Variants in NHSL1 observed in about 807,000 individuals in gnomAD.
The protein encoded by NHSL1 is NHS like 1.
A neutral mutation model predicts 95.0 loss-of-function variants in NHSL1; 48 were observed. That is an observed-to-expected ratio of 0.51 (90% CI 0.40 to 0.64). The LOEUF is 0.64. NHSL1 is among the 30% of genes least tolerant of loss of function. The pLI is 0.00. For synonymous variants in NHSL1, 783 were observed against 833.9 expected, an observed-to-expected ratio of 0.94 and a Z score of 1.05; for missense variants, 1,971 against 2,077.7, an observed-to-expected ratio of 0.95 and a Z score of 1.00.
At chr6:138,655,030 G>A (rs1430808250) in intron 1 of NHSL1, among the ~76,000 whole-genome samples, 2 of 152,078 alleles carry the variant, frequency 1.3e-5, no homozygotes, top group African/African-American at 4.8e-5. Flanking sequence ...TTTATTTGGG[G>A]AAACTAAAAT....
intron 1 of NHSL1, among the ~76,000 whole-genome samples, chr6:138,687,779 C>A (rs1785605051): frequency 6.6e-6 from 1 of 152,080 alleles, no homozygotes; most frequent in Non-Finnish European, 1.5e-5. Flanking sequence ...CCAGAAAAGT[C>A]AAATCTATAG....
At chr6:138,642,537 A>G (rs924479969) in intron 1 of NHSL1, among the ~76,000 whole-genome samples, 29 of 152,236 alleles carry the variant, frequency 1.9e-4, no homozygotes, top group African/African-American at 6.0e-4. Context: ...GAAATCATGG[A>G]AAGTCAAACT....
chr6:138,476,630 C>A (rs1779087060), intron 2 of NHSL1, among the ~76,000 whole-genome samples: 1 of 152,006 alleles, frequency 6.6e-6, no homozygotes, highest in African/African-American at 2.4e-5. Context: ...AGTTAGAGAC[C>A]AGCCTGGCCA....
At chr6:138,451,801 C>T (rs975031217) in intron 3 of NHSL1, among the ~76,000 whole-genome samples, 1 of 152,174 alleles carries the variant, frequency 6.6e-6, no homozygotes, top group Non-Finnish European at 1.5e-5. Flanking sequence ...GCAATATTTA[C>T]AATAAATTAC....
At chr6:138,559,593 TCCAACA>T (rs1783335827) in intron 1 of NHSL1, among the ~76,000 whole-genome samples, 1 of 152,156 alleles carries the variant, frequency 6.6e-6, no homozygotes, top group Non-Finnish European at 1.5e-5. Flanking sequence ...CAGGCCTTTC[TCCAACA>T]CCAAGACAAC....
At chr6:138,647,771 T>G (rs1337129499) in intron 1 of NHSL1, among the ~76,000 whole-genome samples, 1 of 152,030 alleles carries the variant, frequency 6.6e-6, no homozygotes, top group Non-Finnish European at 1.5e-5. Context: ...CTAATTTTAG[T>G]ATTTTCACTA....
chr6:138,425,024 G>A (rs1330973231), intron 7 of NHSL1, among the ~76,000 whole-genome samples: 1 of 151,894 alleles, frequency 6.6e-6, no homozygotes, highest in Non-Finnish European at 1.5e-5. Flanking sequence ...GAGCTTAGGA[G>A]TTCGAGACCA....
Position 138,469,586 on chromosome 6 carries a change from G to A in NHSL1, c.339+3720C>T, listed in dbSNP as rs964608954. On this transcript the variant is annotated intron_variant, in intron 3 of 7. Coordinates refer to ENST00000343505, the MANE Select transcript of NHSL1 (RefSeq NM_001144060.2). ...AAAAAAATACAAGAATCAGCTGGGCGTGGTGATGTGTACCTGTAATCTCAG... is the reference window on the plus strand; with the variant it reads ...AAAAAAATACAAGAATCAGCTGGGCATGGTGATGTGTACCTGTAATCTCAG... Among the ~76,000 whole-genome samples the A allele has an allele frequency of 3.3e-5, 5 of 152,076 alleles. No individual in the cohort carries two copies. The South Asian group carries it at 6.2e-4, about 19-fold the overall frequency.
chr6:138,479,162 A>G (rs1178212248), intron 2 of NHSL1, among the ~76,000 whole-genome samples: 2 of 152,282 alleles, frequency 1.3e-5, no homozygotes, highest in Middle Eastern at 6.8e-3. Context: ...TATACCTATG[A>G]TAATGTTTGA....
intron 2 of NHSL1, among the ~76,000 whole-genome samples, chr6:138,475,555 C>T (rs1779018629): frequency 6.6e-6 from 1 of 151,934 alleles, no homozygotes; most frequent in South Asian, 2.1e-4. Context: ...ATGGTATTTT[C>T]TGCAGAGTTC....
intron 1 of NHSL1, among the ~76,000 whole-genome samples, chr6:138,628,038 C>T (rs1007208741): frequency 1.3e-5 from 2 of 151,860 alleles, no homozygotes; most frequent in African/African-American, 4.8e-5. Context: ...TCCAGCCGGG[C>T]GAGGTGGCTC....
intron 1 of NHSL1, among the ~76,000 whole-genome samples, chr6:138,606,860 A>T (rs1784441337): frequency 1.3e-5 from 2 of 151,682 alleles, no homozygotes; most frequent in South Asian, 4.2e-4. Context: ...CCGCCACCGC[A>T]CCTGGCTAAT....
chr6:138,671,875 C>T (rs553914298), intron 1 of NHSL1, among the ~76,000 whole-genome samples: 3 of 152,026 alleles, frequency 2.0e-5, no homozygotes, highest in Admixed American at 2.0e-4. Context: ...ACGCTATACA[C>T]ACTGAATGCT....
At position 138,442,016 on chromosome 6, in the gene NHSL1, T is replaced by C. The variant is rs1055423965; in HGVS notation, c.631A>G (p.Thr211Ala). 2 of 1,551,388 alleles carry C rather than the reference T, an allele frequency of 1.3e-6. No individual in the cohort carries two copies. Among genetic ancestry groups the C allele is most frequent in the African/African-American group, 1.4e-5 (1 of 73,176 alleles). Residue 211 changes from threonine (T) to alanine (A), a missense_variant, in exon 5 of 8, where the codon ACA becomes GCA. Transcript: ENST00000343505. Reference sequence around the variant, plus strand: ...TTCTGTATGTTGTCAGGGACTCCTGTAATAGTCTTTCTCCTTTTGACTTTC... The same window carrying C: ...TTCTGTATGTTGTCAGGGACTCCTGCAATAGTCTTTCTCCTTTTGACTTTC... ...PKKVKRRKTI[T>A]GVPDNIQKEL...
At chr6:138,510,025 C>A (rs955322745) in intron 1 of NHSL1, among the ~76,000 whole-genome samples, 1 of 152,150 alleles carries the variant, frequency 6.6e-6, no homozygotes. Context: ...ATACAAAATA[C>A]AACCTAAAAT....
At chr6:138,605,493 G>A (rs1483839637) in intron 1 of NHSL1, among the ~76,000 whole-genome samples, 1 of 152,136 alleles carries the variant, frequency 6.6e-6, no homozygotes, top group Admixed American at 6.5e-5. Flanking sequence ...TTAAAATACT[G>A]TGGCAGTCAA....
rs377015615 is a variant in NHSL1 at position 138,616,267 on chromosome 6, A to G, written c.96+76209T>C. Among the ~76,000 whole-genome samples, 7 of 152,202 alleles carry G rather than the reference A, an allele frequency of 4.6e-5. No homozygotes were observed. The East Asian group carries it at 7.7e-4, about 17-fold the overall frequency. ...ACACCTAAATTGTTATTGCACAGCT[A>G]CCTAAGGTTTAAATTTTCAAAGTGT... On this transcript the variant is annotated intron_variant, in intron 1 of 3. Coordinates refer to the NHSL1 transcript ENST00000491526.
intron 3 of NHSL1, among the ~76,000 whole-genome samples, chr6:138,454,626 CAA>C (rs1346278567): frequency 2.0e-5 from 3 of 152,112 alleles, no homozygotes; most frequent in African/African-American, 7.2e-5. Flanking sequence ...ATACATATGT[CAA>C]AATTTATTAA....
At chr6:138,538,440 G>A (rs1420644855) in intron 1 of NHSL1, among the ~76,000 whole-genome samples, 1 of 152,202 alleles carries the variant, frequency 6.6e-6, no homozygotes. Flanking sequence ...GTTTCCCCAC[G>A]TGATCTTCTA....
Sources: gnomAD v4.1 joint callset for allele counts (sites outside exome capture counted in the v4.1 genomes callset) on GRCh38, gnomAD v4.1.1 for gene constraint, MANE v1.5 for transcripts, NCBI Gene and HGNC (gene_info 2026-07-23, HGNC 2026-07-21) for gene names.